Variants in SH3RF2 observed in about 807,000 individuals in gnomAD.
SH3RF2 encodes SH3 domain containing ring finger 2, also known as E3 ubiquitin-protein ligase SH3RF2.
Under a neutral mutation model 59.0 loss-of-function variants are expected in SH3RF2, and 43 were observed. The observed-to-expected ratio is 0.73, with a 90% CI of 0.57 to 0.94. The LOEUF (loss-of-function observed/expected upper bound fraction) is 0.94, where lower values mean the gene tolerates loss of function less well. SH3RF2 is among the 40% of genes least tolerant of loss of function. SH3RF2 has a pLI of 0.00. For missense variants in SH3RF2, 930 were observed against 940.1 expected (o/e 0.99, Z 0.14); for synonymous variants, 391 against 391.5 (o/e 1.00, Z 0.01).
At chr5:145,948,351 C>A (rs1351207317) in intron 2 of SH3RF2, among the ~76,000 whole-genome samples, 2 of 152,220 alleles carry the variant, frequency 1.3e-5, no homozygotes, top group African/African-American at 2.4e-5. Flanking sequence ...CTGAGGATTG[C>A]AAACCTCAGA....
intron 5 of SH3RF2, among the ~76,000 whole-genome samples, chr5:146,014,933 T>C (rs905336852): frequency 9.9e-5 from 15 of 151,730 alleles, no homozygotes; most frequent in African/African-American, 3.6e-4. Context: ...GATGAAGGAG[T>C]GGAGGTATGA....
At position 146,001,001 on chromosome 5, in the gene SH3RF2, T is replaced by G. The variant is rs189122763; in HGVS notation, c.648+674T>G. Among the ~76,000 whole-genome samples the G allele has an allele frequency of 6.3e-3, 961 of 152,254 alleles. 8 individuals are homozygous for G. The highest frequency in any genetic ancestry group is 8.3e-3 in the Non-Finnish European group (564 of 67,980). On this transcript the variant is annotated intron_variant, in intron 3 of 9. Transcript: ENST00000359120. The stretch of plus-strand genomic sequence containing the variant: ...AATTCTACTCATTTACATTCTATCT[T>G]GTTGTAAACATCTCATTCAAAACAC...
At chr5:145,952,104 C>A (rs1237573196) in intron 2 of SH3RF2, among the ~76,000 whole-genome samples, 4 of 152,106 alleles carry the variant, frequency 2.6e-5, no homozygotes, top group Admixed American at 1.3e-4. Flanking sequence ...ATTATTTTTG[C>A]TATTATTTAA....
rs77658670 is a variant in SH3RF2, at chr5:146,033,962, A to C, written c.1060-13810A>C. Among the ~76,000 whole-genome samples, 282 of 152,364 alleles carry C rather than the reference A, an allele frequency of 1.9e-3. 2 individuals carry two copies. Among genetic ancestry groups the C allele is most frequent in the Non-Finnish European group, 3.2e-3 (220 of 68,038 alleles). On this transcript the variant is annotated intron_variant, in intron 5 of 9. Coordinates refer to ENST00000359120, the MANE Select transcript of SH3RF2 (RefSeq NM_152550.4). Reference sequence around the variant, plus strand: ...TTGGAAGGATGGTTTTCTCACATCCATCCCAGATGGTGTAGACACTGATCT... The same window carrying C: ...TTGGAAGGATGGTTTTCTCACATCCCTCCCAGATGGTGTAGACACTGATCT...
chr5:145,943,881 G>A (rs532089888), intron 2 of SH3RF2, among the ~76,000 whole-genome samples: 3 of 152,300 alleles, frequency 2.0e-5, no homozygotes, highest in Admixed American at 1.3e-4. Context: ...TGTTACCTAA[G>A]GGATTAGCCA....
chr5:145,997,726 T>A, intron 2 of SH3RF2: 2 of 1,573,180 alleles, frequency 1.3e-6, no homozygotes, highest in East Asian at 4.5e-5. Flanking sequence ...AGCCAGCAAA[T>A]TTTTGAAGCA....
intron 2 of SH3RF2, among the ~76,000 whole-genome samples, chr5:145,939,422 C>T (rs116550899): frequency 0.011 from 1,628 of 152,316 alleles, 15 homozygotes; most frequent in Non-Finnish European, 0.016. Context: ...GCTTGTGATA[C>T]GCATTTGGAA....
chr5:146,045,613 CATA>C (rs1442562387), intron 5 of SH3RF2, among the ~76,000 whole-genome samples: 2 of 152,186 alleles, frequency 1.3e-5, no homozygotes, highest in African/African-American at 4.8e-5. Flanking sequence ...TTTCACTTAG[CATA>C]ATGTTTTCAA....
intron 7 of SH3RF2, chr5:146,050,170 A>C (rs1406675400): frequency 6.6e-6 from 1 of 152,216 alleles, no homozygotes; most frequent in Non-Finnish European, 1.5e-5. Flanking sequence ...ACCGATAAAG[A>C]AACTGGGGTT....
chr5:145,948,304 AC>A (rs1279073297), intron 2 of SH3RF2, among the ~76,000 whole-genome samples: 3 of 152,246 alleles, frequency 2.0e-5, no homozygotes, highest in African/African-American at 7.2e-5. Context: ...TTGAGGTTGT[AC>A]TTTTTAAAAC....
chr5:146,047,602 C>T (rs1762351585), intron 5 of SH3RF2, among the ~76,000 whole-genome samples, 170 bp from the exon 6 acceptor site: 1 of 152,120 alleles, frequency 6.6e-6, no homozygotes, highest in Admixed American at 6.5e-5. Context: ...TCCTCCCCAC[C>T]TCCCTGTGCC....
At chr5:145,956,836 TG>T (rs755875744) in intron 2 of SH3RF2, among the ~76,000 whole-genome samples, 12 of 152,116 alleles carry the variant, frequency 7.9e-5, no homozygotes, top group Non-Finnish European at 1.5e-4. Context: ...GACAAGGAAA[TG>T]TGACAGAGCT....
chr5:146,080,192 A>C (rs1005615607), exon 10 of SH3RF2: 1 of 152,170 alleles, frequency 6.6e-6, no homozygotes, highest in African/African-American at 2.4e-5. Context: ...GTGCAGTAGA[A>C]TAGTTTGCTA....
chr5:146,062,465 C>G lies in SH3RF2; in HGVS notation c.1954C>G (p.Pro652Ala), dbSNP rs1384189439. ...GAGATTTCAGAATTACAGCCCTCCT[C>G]CCACCAAACATTACACCTCCCATCC... ...TVRFQNYSPP[P>A]TKHYTSHPTS... Residue 652 changes from proline (P) to alanine (A), a missense_variant, in exon 10 of 10, where the codon CCC (proline) becomes GCC (alanine). Physicochemically the swap from Pro to Ala is conservative, Grantham distance 27. Transcript: ENST00000359120. 6.2e-7 allele frequency: 1 copy of G among 1,614,208 alleles called. No homozygotes were observed. The highest frequency in any genetic ancestry group is 8.5e-7 in the Non-Finnish European group (1 of 1,180,042).
chr5:146,023,853 C>T (rs758244381), intron 5 of SH3RF2, among the ~76,000 whole-genome samples: 1 of 152,178 alleles, frequency 6.6e-6, no homozygotes, highest in Non-Finnish European at 1.5e-5. Context: ...TGGAAGCACA[C>T]AGTATTCGAA....
At chr5:145,947,549 T>C (rs1430537156) in intron 2 of SH3RF2, among the ~76,000 whole-genome samples, 8 of 152,238 alleles carry the variant, frequency 5.3e-5, no homozygotes, top group Non-Finnish European at 1.0e-4. Context: ...GGTAGGTTTC[T>C]CTTTTCACAT....
downstream of SH3RF2, among the ~76,000 whole-genome samples, chr5:146,064,395 G>A (rs1762994864): frequency 6.6e-6 from 1 of 151,860 alleles, no homozygotes; most frequent in South Asian, 2.1e-4. Context: ...TCAGGGTAGA[G>A]GAGGCATCCC....
chr5:145,956,517 C>G (rs1372971253), intron 2 of SH3RF2, among the ~76,000 whole-genome samples: 1 of 152,170 alleles, frequency 6.6e-6, no homozygotes, highest in African/African-American at 2.4e-5. Flanking sequence ...CTCAAGTGAT[C>G]CACCTGCCTC....
chr5:145,953,124 T>TCA (rs3221819), intron 2 of SH3RF2, among the ~76,000 whole-genome samples: 3,062 of 148,656 alleles, frequency 0.021, 68 homozygotes, highest in East Asian at 0.05. Context: ...TCTCTCTCTG[T>TCA]CACACACACA....
Sources: gnomAD v4.1 joint callset for allele counts (sites outside exome capture counted in the v4.1 genomes callset) on GRCh38, gnomAD v4.1.1 for gene constraint, MANE v1.5 for transcripts, NCBI Gene and HGNC (gene_info 2026-07-23, HGNC 2026-07-21) for gene names.